Variants in EIF3A observed in about 807,000 individuals in gnomAD.
EIF3A encodes the protein EIF3, p180 subunit.
EIF3A carries 21 observed loss-of-function variants against 186.6 expected under a neutral mutation model. The ratio of observed to expected loss-of-function variants is 0.11; its 90% CI spans 0.08 to 0.16. The LOEUF (loss-of-function observed/expected upper bound fraction) is 0.16, where lower values mean the gene tolerates loss of function less well. Among genes scored for constraint, EIF3A ranks in the 10% least tolerant of loss-of-function variants. The pLI is 1.00. For synonymous variants in EIF3A, 563 were observed against 584.3 expected, an observed-to-expected ratio of 0.96 and a Z score of 0.52; for missense variants, 1,306 against 1,796.3, an observed-to-expected ratio of 0.73 and a Z score of 4.93.
intron 19 of EIF3A, among the ~76,000 whole-genome samples, chr10:119,040,009 T>G (rs532643549): frequency 6.6e-6 from 1 of 152,324 alleles, no homozygotes; most frequent in Admixed American, 6.5e-5. Context: ...GCTATACTGT[T>G]ACCCCATTTA....
At chr10:119,078,202 A>G (rs891833899) in intron 1 of EIF3A, among the ~76,000 whole-genome samples, 2 of 152,186 alleles carry the variant, frequency 1.3e-5, no homozygotes, top group Non-Finnish European at 2.9e-5. Flanking sequence ...TAAGGTCAGC[A>G]GCAGTTAGTG....
intron 7 of EIF3A, among the ~76,000 whole-genome samples, chr10:119,061,808 T>C (rs1182208500): frequency 6.6e-6 from 1 of 152,150 alleles, no homozygotes; most frequent in Non-Finnish European, 1.5e-5. Flanking sequence ...AACACATGAA[T>C]AAATCTCACA....
In EIF3A at chr10:119,037,187, C is replaced by G; in HGVS notation, c.3851G>C (p.Arg1284Thr). 6.2e-7 allele frequency: 1 copy of G among 1,613,618 alleles called. No homozygotes were observed. The highest frequency in any genetic ancestry group is 8.5e-7 in the Non-Finnish European group (1 of 1,179,954). The change falls in exon 21 of 22, where the codon AGA becomes ACA. Residue 1284 changes from arginine (R) to threonine (T), a missense_variant. Arg to Thr is a moderately conservative substitution (Grantham distance 71). This residue lies in a region of EIF3A where 331 missense variants were observed against 365.8 expected (regional missense o/e 0.90). Coordinates refer to ENST00000369144, the MANE Select transcript of EIF3A (RefSeq NM_003750.4). Reference sequence around the variant, plus strand: ...GTCGTCTCTTAGATCTCGTCTTTCTCTTAGATCACGCCGGTCATCCCTCTC... The same window carrying G: ...GTCGTCTCTTAGATCTCGTCTTTCTGTTAGATCACGCCGGTCATCCCTCTC... ...RRERDDRRDL[R>T]ERRDLRDDRD... is the part of the protein sequence containing the mutation.
intron 8 of EIF3A, 106 bp downstream of exon 8, chr10:119,061,118 C>T (rs150531758): frequency 1.6e-6 from 1 of 616,418 alleles, no homozygotes; most frequent in East Asian, 2.9e-5. Flanking sequence ...GCACTGAATT[C>T]CAACACATAG....
rs753067805 is a variant in EIF3A, at chr10:119,036,283, TAA to T, written c.3920-17_3920-16del. 2.0e-5 allele frequency: 26 copies of T among 1,279,252 alleles called. No homozygotes were observed. Among genetic ancestry groups the T allele is most frequent in the African/African-American group, 7.7e-5 (5 of 64,652 alleles). The allele number at this position is 1,279,252 out of a possible 1,614,324, so 79.2% of individuals were successfully genotyped here. ...CCAAGAACTTACTAAAAAGTTTAAT[TAA>T]AAAAAAAAAATTAAGTTAGTACTAT... On this transcript the variant is annotated splice_polypyrimidine_tract_variant and intron_variant, in intron 21 of 21. Coordinates refer to ENST00000369144, the MANE Select transcript of EIF3A (RefSeq NM_003750.4).
rs1168352731 is a variant in EIF3A, at chr10:119,033,674, G to A, written c.*2365C>T. ...ATTAGCTTTGATGAGAACAACTTTT[G>A]TCATAGATTTGATTTATTAAACCAA... On this transcript the variant is annotated 3_prime_UTR_variant, in exon 22 of 22. Coordinates refer to ENST00000369144, the MANE Select transcript of EIF3A (RefSeq NM_003750.4). 6.0e-6 allele frequency: 1 copy of A among 166,240 alleles called. No homozygotes were observed. Among genetic ancestry groups the A allele is most frequent in the Admixed American group, 6.5e-5 (1 of 15,274 alleles). 10.3% of individuals were successfully genotyped at this position (166,240 alleles called of 1,614,324 possible). A position where few individuals can be genotyped will look rare whatever the true frequency, so the allele number is the denominator to read the frequency against.
In EIF3A at chr10:119,049,843, T is replaced by C; in HGVS notation, c.2616A>G (p.Arg872=). Residue 872 remains arginine (R), a synonymous_variant, in exon 17 of 22, where the codon AGA becomes AGG. Transcript: ENST00000369144. ...ELEIEERERR[R]EEERRLGDSS... is the part of the protein sequence containing the mutation. The stretch of plus-strand genomic sequence containing the variant: ...TATCGCCAAGTCTTCTCTCTTCCTC[T>C]CTACGCCGTTCTCGTTCTTCAATTT... 1 of 1,614,222 alleles carries C rather than the reference T, an allele frequency of 6.2e-7. No individual in the cohort carries two copies. Among genetic ancestry groups the C allele is most frequent in the Non-Finnish European group, 8.5e-7 (1 of 1,180,024 alleles).
intron 6 of EIF3A, among the ~76,000 whole-genome samples, chr10:119,065,941 C>T (rs1369543715): frequency 6.6e-6 from 1 of 151,548 alleles, no homozygotes; most frequent in Non-Finnish European, 1.5e-5. Flanking sequence ...ACGGTGAAAC[C>T]CCATCTCTAC....
chr10:119,070,965 T>C lies in EIF3A; in HGVS notation c.662A>G (p.Asn221Ser). The C allele has an allele frequency of 1.2e-6, 2 of 1,614,026 alleles. No homozygotes were observed. The highest frequency in any genetic ancestry group is 1.1e-5 in the South Asian group (1 of 91,088). The change falls in exon 5 of 22, where the codon AAT becomes AGT. Residue 221 changes from asparagine to serine, a missense_variant. Physicochemically the swap from Asn to Ser is conservative, Grantham distance 46. Around this residue, in one of 8 missense-constraint regions of EIF3A, gnomAD observed 267 missense variants for 367.8 expected, o/e 0.73. Coordinates refer to ENST00000369144, the MANE Select transcript of EIF3A (RefSeq NM_003750.4). Reference protein sequence around the residue: ...HHNQSTAINLNNPESQSMHLE... With the variant: ...HHNQSTAINLSNPESQSMHLE... The stretch of plus-strand genomic sequence containing the variant: ...ATGCATGGACTGGCTCTCTGGATTA[T>C]TAAGATTGATTGCCGTACTTTGGTT...
intron 11 of EIF3A, among the ~76,000 whole-genome samples, chr10:119,058,657 T>TG (rs1424805851): frequency 6.6e-6 from 1 of 152,160 alleles, no homozygotes; most frequent in Non-Finnish European, 1.5e-5. Flanking sequence ...CCAAGGCGGG[T>TG]GGATCACTTG....
intron 14 of EIF3A, 25 bp downstream of exon 14, chr10:119,056,715 T>C (rs751396121): frequency 7.1e-7 from 1 of 1,401,910 alleles, no homozygotes; most frequent in South Asian, 1.2e-5. Context: ...AATCTAAAAA[T>C]ATTACAATTA....
intron 17 of EIF3A, among the ~76,000 whole-genome samples, chr10:119,047,752 C>T (rs1216083925): frequency 6.6e-6 from 1 of 152,158 alleles, no homozygotes; most frequent in Non-Finnish European, 1.5e-5. Context: ...ATACAGACCA[C>T]ATTTACTTAA....
chr10:119,042,120 C>G lies in EIF3A; in HGVS notation c.3400G>C (p.Glu1134Gln). The G allele has an allele frequency of 6.2e-7, 1 of 1,614,224 alleles. No homozygotes were observed. Among genetic ancestry groups the G allele is most frequent in the Middle Eastern group, 1.6e-4 (1 of 6,062 alleles). The stretch of plus-strand genomic sequence containing the variant: ...TTTCTCCAAGGGCCCCTGTCATCCT[C>G]TGCACCACGCCTGGGAATTCTGTCA... ...DDDRIPRRGA[E>Q]DDRGPWRNMD... The change falls in exon 19 of 22, where the codon GAG becomes CAG. Residue 1134 changes from glutamate (E) to glutamine (Q), a missense_variant. Physicochemically the swap from Glu to Gln is conservative, Grantham distance 29. Coordinates refer to ENST00000369144, the MANE Select transcript of EIF3A (RefSeq NM_003750.4). This position sits in a 1 kb window ranked among gnomAD's most constrained non-coding sequence, Gnocchi z 7.8.
chr10:119,040,483 G>A (rs1202391896), intron 19 of EIF3A, among the ~76,000 whole-genome samples: 1 of 152,190 alleles, frequency 6.6e-6, no homozygotes, highest in Non-Finnish European at 1.5e-5. Flanking sequence ...GTCCAGTTTT[G>A]GATAGGCTGT....
rs370229538 is a variant in EIF3A at position 119,059,983 on chromosome 10, G to A, written c.1327-265C>T. The A allele has an allele frequency of 6.2e-4, 329 of 533,440 alleles. 3 individuals are homozygous for A. Among genetic ancestry groups the A allele is most frequent in the Admixed American group, 3.3e-3 (130 of 39,288 alleles). 33.0% of individuals were successfully genotyped at this position (533,440 alleles called of 1,614,324 possible). A position where few individuals can be genotyped will look rare whatever the true frequency, so the allele number is the denominator to read the frequency against. ...AAAGCCTAAAAACCTGCTACTTACCGAATATATTTAAACACTTCTTATAGA... is the reference window on the plus strand; with the variant it reads ...AAAGCCTAAAAACCTGCTACTTACCAAATATATTTAAACACTTCTTATAGA... On this transcript the variant is annotated intron_variant, in intron 9 of 21. Transcript: ENST00000369144.
At chr10:119,057,117 AT>A in intron 12 of EIF3A, 77 bp from the exon 13 acceptor site, 1 of 791,324 alleles carries the variant, frequency 1.3e-6, no homozygotes, top group East Asian at 2.5e-5. Context: ...GCTTTCTAGA[AT>A]AAAATCCTAC....
intron 15 of EIF3A, 74 bp downstream of exon 15, chr10:119,051,125 T>C: frequency 7.5e-7 from 1 of 1,328,552 alleles, no homozygotes; most frequent in South Asian, 1.5e-5. Context: ...ATATACCAAT[T>C]TGTTAAGGGA....
At chr10:119,055,080 C>T (rs967980908) in intron 14 of EIF3A, among the ~76,000 whole-genome samples, 3 of 151,984 alleles carry the variant, frequency 2.0e-5, no homozygotes, top group African/African-American at 4.8e-5. Flanking sequence ...TGGTGGCAGG[C>T]GCCTGTAATC....
At chr10:119,060,923 T>TA in intron 8 of EIF3A, 79 bp from the exon 9 acceptor site, 1 of 961,506 alleles carries the variant, frequency 1.0e-6, no homozygotes, top group Non-Finnish European at 1.6e-6. Flanking sequence ...CTTTTTTTTT[T>TA]AATATACAAA....
Sources: gnomAD v4.1 joint callset for allele counts (sites outside exome capture counted in the v4.1 genomes callset) on GRCh38, gnomAD v4.1.1 for gene constraint, gnomAD v4.1.1 regional missense constraint, Gnocchi (gnomAD v3.1) non-coding constraint, MANE v1.5 for transcripts, NCBI Gene and HGNC (gene_info 2026-07-23, HGNC 2026-07-21) for gene names.